SEC14L6: variants seen among roughly 807,000 people sequenced by gnomAD.
SEC14L6 encodes the protein SEC14-like protein 6.
In SEC14L6, 40 loss-of-function variants were observed where a neutral mutation model predicts 54.1. The observed-to-expected ratio is 0.74, with a 90% CI of 0.57 to 0.96. The LOEUF (loss-of-function observed/expected upper bound fraction) is 0.96, where lower values mean the gene tolerates loss of function less well. Among genes scored for constraint, SEC14L6 ranks in the 40% least tolerant of loss-of-function variants. The pLI is 0.00. For synonymous variants in SEC14L6, 171 were observed against 198.4 expected, an observed-to-expected ratio of 0.86 and a Z score of 1.16; for missense variants, 471 against 498.3, an observed-to-expected ratio of 0.95 and a Z score of 0.52.
At position 30,523,047 on chromosome 22, in the gene SEC14L6, T is replaced by C. The variant is rs1936656145; in HGVS notation, c.*1950A>G. On this transcript the variant is annotated 3_prime_UTR_variant, in exon 12 of 12. Coordinates refer to ENST00000402034, the MANE Select transcript of SEC14L6 (RefSeq NM_001193336.4). Reference sequence around the variant, plus strand: ...CATTTATATGACACTCTGGAAAAAATCAAAAGTGTAGGGATGAAGAACAGA... The same window carrying C: ...CATTTATATGACACTCTGGAAAAAACCAAAAGTGTAGGGATGAAGAACAGA... The C allele has an allele frequency of 6.6e-6, 1 of 151,934 alleles. No individual in the cohort carries two copies. Among genetic ancestry groups the C allele is most frequent in the African/African-American group, 2.4e-5 (1 of 41,326 alleles). The allele number at this position is 151,934 out of a possible 1,614,324, so 9.4% of individuals were successfully genotyped here.
chr22:30,536,605 G>A (rs980574290), intron 2 of SEC14L6, among the ~76,000 whole-genome samples: 9 of 152,158 alleles, frequency 5.9e-5, no homozygotes, highest in African/African-American at 1.9e-4. Flanking sequence ...CTAGCATAGC[G>A]ACCTTGGTCA....
intron 1 of SEC14L6, among the ~76,000 whole-genome samples, chr22:30,540,991 C>G (rs1265810402): frequency 1.3e-5 from 2 of 150,776 alleles, no homozygotes; most frequent in Non-Finnish European, 2.9e-5. Flanking sequence ...TGCACTCCAG[C>G]CTGGGCAACA....
At chr22:30,528,072 C>CA in intron 8 of SEC14L6, among the ~76,000 whole-genome samples, 1 of 148,174 alleles carries the variant, frequency 6.7e-6, no homozygotes, top group Non-Finnish European at 1.5e-5. Context: ...CTGTACTTTA[C>CA]AAATTTCTAA....
intron 2 of SEC14L6, among the ~76,000 whole-genome samples, chr22:30,538,457 C>A (rs1601896125): frequency 6.6e-6 from 1 of 152,156 alleles, no homozygotes; most frequent in South Asian, 2.1e-4. Context: ...TGGCGGGAAG[C>A]CAACTGCCAT....
intron 2 of SEC14L6, among the ~76,000 whole-genome samples, chr22:30,537,743 C>G (rs2146285393): frequency 6.6e-6 from 1 of 152,224 alleles, no homozygotes; most frequent in East Asian, 1.9e-4. Context: ...AATCAGTTAT[C>G]TTTCTATTGT....
At chr22:30,544,155 C>G (rs1207378047) in intron 1 of SEC14L6, 22 of 1,085,552 alleles carry the variant, frequency 2.0e-5, no homozygotes, top group Non-Finnish European at 1.3e-6. Context: ...CCATGATGAG[C>G]ACAGCCAGCC....
chr22:30,536,539 G>A (rs2085602645), intron 2 of SEC14L6, among the ~76,000 whole-genome samples: 1 of 152,148 alleles, frequency 6.6e-6, no homozygotes, highest in African/African-American at 2.4e-5. Context: ...CTCTTTTTAT[G>A]AGAAGATGTT....
In SEC14L6 at chr22:30,524,384, T is replaced by A. The variant is rs933311679; in HGVS notation, c.*613A>T. ...AATTTCCTATTAATACTATTTTATTTTATTTTTTTGAGACAGAGTCTCACT... is the reference window on the plus strand; with the variant it reads ...AATTTCCTATTAATACTATTTTATTATATTTTTTTGAGACAGAGTCTCACT... On this transcript the variant is annotated 3_prime_UTR_variant, in exon 12 of 12. Transcript: ENST00000402034. The A allele has an allele frequency of 1.3e-5, 2 of 152,202 alleles. No individual in the cohort carries two copies. The highest frequency in any genetic ancestry group is 2.9e-5 in the Non-Finnish European group (2 of 68,056). The allele number at this position is 152,202 out of a possible 1,614,324, so 9.4% of individuals were successfully genotyped here.
Position 30,524,901 on chromosome 22 carries a change from T to A in SEC14L6, c.*96A>T. On this transcript the variant is annotated 3_prime_UTR_variant, in exon 12 of 12. Coordinates refer to ENST00000402034, the MANE Select transcript of SEC14L6 (RefSeq NM_001193336.4). ...GTGACCTGCTGTTGTAGAATCCCTG[T>A]TCCTGAGAGGTTGAACAGGGTCTGG... 2 of 707,694 alleles carry A rather than the reference T, an allele frequency of 2.8e-6. No individual in the cohort carries two copies. Among genetic ancestry groups the A allele is most frequent in the Non-Finnish European group, 2.6e-6 (1 of 389,932 alleles). 43.8% of individuals were successfully genotyped at this position (707,694 alleles called of 1,614,324 possible).
intron 2 of SEC14L6, among the ~76,000 whole-genome samples, chr22:30,535,891 T>A (rs150580565): frequency 0.6 from 75,435 of 125,948 alleles, 21,304 homozygotes; most frequent in Non-Finnish European, 0.65. Context: ...TTTTGTGTTT[T>A]TTTTTTTTTT....
chr22:30,525,186 G>A, intron 11 of SEC14L6, 77 bp from the exon 12 acceptor site: 2 of 1,265,880 alleles, frequency 1.6e-6, no homozygotes, highest in Non-Finnish European at 2.2e-6. Context: ...TCTCTGCGTG[G>A]GTACCCAGAC....
intron 1 of SEC14L6, chr22:30,542,658 G>A (rs2085744287): frequency 2.6e-6 from 4 of 1,521,930 alleles, no homozygotes; most frequent in South Asian, 2.4e-5. Flanking sequence ...CAGGAGTGGC[G>A]GGTGAGGAGG....
chr22:30,535,887 G>GTTTTTTT (rs71643521), intron 2 of SEC14L6, among the ~76,000 whole-genome samples: 1 of 128,522 alleles, frequency 7.8e-6, no homozygotes. Flanking sequence ...AGTTTTTTGT[G>GTTTTTTT]TTTTTTTTTT....
chr22:30,529,071 C>T lies in SEC14L6; in HGVS notation c.664+16G>A. On this transcript the variant is annotated intron_variant, in intron 8 of 11. Transcript: ENST00000402034. ...AGGATCCAGGCTGGAAAAGAGGCCG[C>T]AGAGGGCTCACTCACCTCCGAGAAT... The T allele has an allele frequency of 1.3e-6, 2 of 1,545,596 alleles. No individual in the cohort carries two copies. Among genetic ancestry groups the T allele is most frequent in the Non-Finnish European group, 1.8e-6 (2 of 1,142,388 alleles).
At chr22:30,543,236 A>T (rs2085756181) in intron 1 of SEC14L6, 1 of 1,599,994 alleles carries the variant, frequency 6.3e-7, no homozygotes, top group Admixed American at 1.7e-5. Context: ...GGGGACATTC[A>T]CTCTCAAGTC....
rs947221137 is a variant in SEC14L6 at position 30,532,694 on chromosome 22, G to A, written c.254C>T (p.Ala85Val). ...ACCGTCGTGGCCGCATATGCCGTTA[G>A]CGTTGTACAGCCTGACCACCTGGAT... ...QPPEVVRLYN[A>V]NGICGHDGEG... Residue 85 changes from alanine to valine, a missense_variant, in exon 5 of 12, where the codon GCT becomes GTT. By Grantham distance (64) the Ala-to-Val change is moderately conservative (BLOSUM62 0). Transcript: ENST00000402034. The A allele has an allele frequency of 4.5e-6, 7 of 1,559,918 alleles. No individual in the cohort carries two copies. The highest frequency in any genetic ancestry group is 6.1e-6 in the Non-Finnish European group (7 of 1,152,028).
intron 1 of SEC14L6, among the ~76,000 whole-genome samples, chr22:30,542,102 C>G (rs1435890718): frequency 2.0e-5 from 3 of 152,178 alleles, no homozygotes; most frequent in Non-Finnish European, 4.4e-5. Context: ...CAGCCTGGAC[C>G]TGGGCCCCAC....
chr22:30,543,222 C>T, intron 1 of SEC14L6: 1 of 1,602,620 alleles, frequency 6.2e-7, no homozygotes, highest in Non-Finnish European at 8.5e-7. Flanking sequence ...TGGTGCTGAC[C>T]CGCGGGGACA....
intron 1 of SEC14L6, 38 bp from the exon 2 acceptor site, chr22:30,538,940 A>C (rs1200566841): frequency 1.4e-6 from 2 of 1,433,832 alleles, no homozygotes; most frequent in Non-Finnish European, 1.9e-6. Context: ...TCAGAGGCCA[A>C]CCACCCTCGG....
Sources: allele counts gnomAD v4.1 joint callset (sites outside exome capture counted in the v4.1 genomes callset), GRCh38; gene constraint gnomAD v4.1.1; transcripts MANE v1.5; gene names NCBI Gene and HGNC (gene_info 2026-07-23, HGNC 2026-07-21).